The following PRKAR1B variants were observed in gnomAD, a reference collection of about 807,000 sequenced individuals.
The protein encoded by PRKAR1B is cAMP-dependent protein kinase type I-beta regulatory subunit.
Under a neutral mutation model 46.5 loss-of-function variants are expected in PRKAR1B, and 22 were observed. The observed-to-expected ratio is 0.47, with a 90% CI of 0.34 to 0.68. PRKAR1B has a LOEUF of 0.68. Ranked by LOEUF, PRKAR1B falls within the 30% of genes least tolerant of loss-of-function variation. The pLI is 0.01. For synonymous variants in PRKAR1B, 259 were observed against 217.7 expected (o/e 1.19, Z -1.67); for missense variants, 445 against 535.6 (o/e 0.83, Z 1.67).
chr7:700,895 A>T (rs911752944), intron 2 of PRKAR1B, among the ~76,000 whole-genome samples: 1 of 152,176 alleles, frequency 6.6e-6, no homozygotes, highest in Non-Finnish European at 1.5e-5. Flanking sequence ...ATCCCACCAA[A>T]AGGACAGGTG....
At chr7:690,812 A>AC (rs1469857741) in intron 2 of PRKAR1B, among the ~76,000 whole-genome samples, 2 of 151,970 alleles carry the variant, frequency 1.3e-5, no homozygotes, top group African/African-American at 4.8e-5. Context: ...AAAACACAAC[A>AC]CCCAGCAGTC....
rs137942512 is a variant in PRKAR1B at position 642,237 on chromosome 7, C to A, written c.441-34785G>T. ...AATGTCCAGAAAATGCAGGCAGATT[C>A]ATGGTGGACGGGGGTGGAAGTGAGG... is the stretch of plus-strand genomic sequence containing the variant. On this transcript the variant is annotated intron_variant, in intron 4 of 10. Transcript: ENST00000537384. 1.6e-4 allele frequency among the ~76,000 whole-genome samples: 25 copies of A among 152,304 alleles called. No homozygotes were observed. In the East Asian group the frequency reaches 4.6e-3, roughly 28 times the overall value.
At chr7:552,637 T>C (rs1482008873) in intron 9 of PRKAR1B, among the ~76,000 whole-genome samples, 1 of 144,126 alleles carries the variant, frequency 6.9e-6, no homozygotes, top group African/African-American at 2.6e-5. Context: ...CCAGCTCCCA[T>C]TTTTGTTCAG....
At chr7:682,432 A>C (rs1778741125) in intron 2 of PRKAR1B, among the ~76,000 whole-genome samples, 1 of 152,094 alleles carries the variant, frequency 6.6e-6, no homozygotes, top group African/African-American at 2.4e-5. Flanking sequence ...CCTGGGCAAC[A>C]TAGTGAGACC....
At chr7:582,179 T>C (rs3924211) in intron 8 of PRKAR1B, among the ~76,000 whole-genome samples, 63,777 of 152,146 alleles carry the variant, frequency 0.42, 14,020 homozygotes, top group African/African-American at 0.48. Context: ...GAACCCATCG[T>C]CAAGCTCTGT....
Position 552,392 on chromosome 7 carries a change from A to G in PRKAR1B, c.892-922T>C, listed in dbSNP as rs868330821. Among the ~76,000 whole-genome samples, 85 of 53,906 alleles carry G rather than the reference A, an allele frequency of 1.6e-3. 1 individual carries two copies. Among genetic ancestry groups the G allele is most frequent in the African/African-American group, 1.9e-3 (25 of 13,148 alleles). The allele number at this position is 53,906 out of a possible 152,430, so 35.4% of individuals were successfully genotyped here. On this transcript the variant is annotated intron_variant, in intron 9 of 10. Coordinates refer to ENST00000537384, the MANE Select transcript of PRKAR1B (RefSeq NM_001164760.2). ...CCACCTCCCGCCCGGGTCCTTCTCCAGAGCCACTGCCACCACCACGTCACC... is the reference window on the plus strand; with the variant it reads ...CCACCTCCCGCCCGGGTCCTTCTCCGGAGCCACTGCCACCACCACGTCACC...
chr7:684,373 C>T (rs1484341023), intron 2 of PRKAR1B, among the ~76,000 whole-genome samples: 2 of 152,186 alleles, frequency 1.3e-5, no homozygotes, highest in East Asian at 1.9e-4. Context: ...GGAAAGTGCA[C>T]GTTTCCTCTT....
upstream of PRKAR1B, among the ~76,000 whole-genome samples, chr7:727,858 C>T (rs1781412403): frequency 2.7e-5 from 4 of 150,146 alleles, no homozygotes; most frequent in South Asian, 8.6e-4. Flanking sequence ...GCCAGCGCTT[C>T]TGTCCAGATA....
chr7:554,529 T>G (rs1445792638), intron 9 of PRKAR1B, among the ~76,000 whole-genome samples: 2 of 152,144 alleles, frequency 1.3e-5, no homozygotes, highest in African/African-American at 4.8e-5. Flanking sequence ...TGACCCCAAA[T>G]AGCAGAAAAC....
intron 2 of PRKAR1B, among the ~76,000 whole-genome samples, chr7:698,445 A>C (rs528568164): frequency 2.0e-5 from 3 of 151,724 alleles, no homozygotes; most frequent in African/African-American, 4.8e-5. Flanking sequence ...TGTCTAGGTA[A>C]GTACGTGTGC....
intron 8 of PRKAR1B, among the ~76,000 whole-genome samples, chr7:581,746 C>T (rs557221051): frequency 6.6e-6 from 1 of 151,970 alleles, no homozygotes; most frequent in Non-Finnish European, 1.5e-5. Flanking sequence ...GACAGGGTCT[C>T]GCTCTGTCAC....
At chr7:650,968 C>A (rs1303846103) in intron 4 of PRKAR1B, among the ~76,000 whole-genome samples, 1 of 152,144 alleles carries the variant, frequency 6.6e-6, no homozygotes, top group African/African-American at 2.4e-5. Flanking sequence ...GCAAAACAGT[C>A]CTAAGCATCA....
At position 579,333 on chromosome 7, in the gene PRKAR1B, C is replaced by T; in HGVS notation, c.814G>A (p.Glu272Lys). The T allele has an allele frequency of 1.2e-6, 2 of 1,614,194 alleles. No individual in the cohort carries two copies. Among genetic ancestry groups the T allele is most frequent in the Non-Finnish European group, 1.7e-6 (2 of 1,180,040 alleles). ...TCTCCATCTTCAAACTGGACGGGCT[C>T]CAGCGCATCCGCCACGGTCAGACGC... ...WERLTVADALEPVQFEDGEKI... is the reference protein window; with the variant it reads ...WERLTVADALKPVQFEDGEKI... Residue 272 changes from glutamate to lysine, a missense_variant, in exon 9 of 11, where the codon GAG (glutamate) becomes AAG (lysine). By Grantham distance (56) the Glu-to-Lys change is moderately conservative. Transcript: ENST00000537384.
chr7:598,105 C>T (rs1316745043), intron 6 of PRKAR1B, among the ~76,000 whole-genome samples: 1 of 152,148 alleles, frequency 6.6e-6, no homozygotes, highest in East Asian at 1.9e-4. Context: ...GGGTGGCAGT[C>T]GCCACTGGCA....
At chr7:728,730 A>T (rs1781453585), upstream of PRKAR1B, among the ~76,000 whole-genome samples, 1 of 152,202 alleles carries the variant, frequency 6.6e-6, no homozygotes, top group Non-Finnish European at 1.5e-5. Context: ...CCCCAAGCGC[A>T]GCCTGCTGGG....
intron 7 of PRKAR1B, among the ~76,000 whole-genome samples, chr7:590,156 C>T (rs1301616269): frequency 6.6e-6 from 1 of 152,246 alleles, no homozygotes; most frequent in Admixed American, 6.5e-5. Context: ...GCCCCACGCC[C>T]TTCAGGACAC....
chr7:563,273 G>A (rs962906593), intron 9 of PRKAR1B, among the ~76,000 whole-genome samples: 4 of 152,192 alleles, frequency 2.6e-5, no homozygotes, highest in African/African-American at 7.2e-5. Flanking sequence ...CTGCAAGTCC[G>A]CCCCAGGACC....
chr7:586,244 G>A (rs953875471), intron 7 of PRKAR1B, among the ~76,000 whole-genome samples: 4 of 152,178 alleles, frequency 2.6e-5, no homozygotes, highest in Non-Finnish European at 5.9e-5. Context: ...ACCTGGCATG[G>A]AGGCAGCCGG....
intron 1 of PRKAR1B, among the ~76,000 whole-genome samples, chr7:724,174 A>G (rs1197803529): frequency 6.6e-6 from 1 of 152,022 alleles, no homozygotes. Context: ...GCCTTTGCTC[A>G]TGCTATTTCC....
Sources: allele counts gnomAD v4.1 joint callset (sites outside exome capture counted in the v4.1 genomes callset), GRCh38; gene constraint gnomAD v4.1.1; transcripts MANE v1.5; gene names NCBI Gene and HGNC (gene_info 2026-07-23, HGNC 2026-07-21).